Variants in CSMD1 observed in about 807,000 individuals in gnomAD.
CSMD1 encodes the protein CUB and Sushi multiple domains 1, also known as CUB and sushi domain-containing protein 1.
Under a neutral mutation model 417.5 loss-of-function variants are expected in CSMD1, and 213 were observed. The ratio of observed to expected loss-of-function variants is 0.51; its 90% CI spans 0.46 to 0.57. The LOEUF is 0.57. Among genes scored for constraint, CSMD1 ranks in the 20% least tolerant of loss-of-function variants. The pLI, the probability that CSMD1 is intolerant of heterozygous loss-of-function variation, is 0.00. For synonymous variants in CSMD1, 2,862 were observed against 1,736.8 expected, an observed-to-expected ratio of 1.65 and a Z score of -16.11; for missense variants, 6,923 against 4,529.7, an observed-to-expected ratio of 1.53 and a Z score of -15.17.
chr8:4,207,610 G>C (rs937419121), intron 3 of CSMD1, among the ~76,000 whole-genome samples: 2 of 152,048 alleles, frequency 1.3e-5, no homozygotes, highest in Non-Finnish European at 2.9e-5. Context: ...AATTCAGTAA[G>C]ACTGGCAACA....
chr8:4,093,911 G>C (rs35655526), intron 3 of CSMD1, among the ~76,000 whole-genome samples: 38,897 of 151,878 alleles, frequency 0.26, 6,344 homozygotes, highest in Non-Finnish European at 0.35. Flanking sequence ...AGTGAGCCCA[G>C]ATTGCGCCAT....
intron 1 of CSMD1, among the ~76,000 whole-genome samples, chr8:4,920,625 C>T (rs904230777): frequency 6.6e-6 from 1 of 151,852 alleles, no homozygotes; most frequent in African/African-American, 2.4e-5. Context: ...AGTTTGAGAC[C>T]AGCCTGACCT....
At chr8:4,034,741 T>C (rs1485093639) in intron 3 of CSMD1, among the ~76,000 whole-genome samples, 1 of 152,204 alleles carries the variant, frequency 6.6e-6, no homozygotes, top group Non-Finnish European at 1.5e-5. Flanking sequence ...TCCAGGAATA[T>C]TTAAAATAAA....
At chr8:3,917,475 T>C (rs958463497) in intron 5 of CSMD1, among the ~76,000 whole-genome samples, 8 of 152,098 alleles carry the variant, frequency 5.3e-5, no homozygotes, top group African/African-American at 1.9e-4. Context: ...CCTGCTACTA[T>C]GGCTGAAAGT....
intron 23 of CSMD1, among the ~76,000 whole-genome samples, chr8:3,332,753 G>T (rs1279676890): frequency 6.6e-6 from 1 of 152,132 alleles, no homozygotes; most frequent in Admixed American, 6.6e-5. Flanking sequence ...TCCTAAATAG[G>T]AAACTCTGAC....
chr8:4,819,811 GT>G (rs1003575315), intron 1 of CSMD1, among the ~76,000 whole-genome samples: 10 of 152,112 alleles, frequency 6.6e-5, no homozygotes, highest in African/African-American at 2.2e-4. Context: ...CTGTTTGGGT[GT>G]GGAGGTTCCA....
chr8:4,367,126 A>G (rs111243143), intron 3 of CSMD1, among the ~76,000 whole-genome samples: 3,263 of 152,202 alleles, frequency 0.021, 113 homozygotes, highest in African/African-American at 0.075. Context: ...ACCAAGGCCA[A>G]TGTTCAGAAT....
intron 3 of CSMD1, among the ~76,000 whole-genome samples, chr8:4,295,366 A>AT (rs1337716313): frequency 6.9e-6 from 1 of 144,246 alleles, no homozygotes; most frequent in East Asian, 2.1e-4. Flanking sequence ...TTAAGATTAT[A>AT]TATGTATCTT....
At chr8:4,109,148 G>A (rs1251104490) in intron 3 of CSMD1, among the ~76,000 whole-genome samples, 2 of 152,086 alleles carry the variant, frequency 1.3e-5, no homozygotes, top group African/African-American at 2.4e-5. Flanking sequence ...CAATGTAAAT[G>A]CTATGTAAAT....
intron 2 of CSMD1, among the ~76,000 whole-genome samples, chr8:4,594,420 A>C (rs971118244): frequency 2.0e-5 from 3 of 151,818 alleles, no homozygotes; most frequent in African/African-American, 7.3e-5. Flanking sequence ...GGCTGGTCTC[A>C]AACTCCTGAA....
chr8:3,419,054 G>A (rs1251220786), intron 12 of CSMD1, among the ~76,000 whole-genome samples: 1 of 152,180 alleles, frequency 6.6e-6, no homozygotes, highest in African/African-American at 2.4e-5. Flanking sequence ...TTAATGCTCT[G>A]CTGTGTCTGT....
chr8:3,172,699 G>A lies in CSMD1; in HGVS notation c.5725+8411C>T, dbSNP rs868520586. Among the ~76,000 whole-genome samples, 2 of 152,108 alleles carry A rather than the reference G, an allele frequency of 1.3e-5. 1 individual carries two copies. The highest frequency in any genetic ancestry group is 1.3e-4 in the Admixed American group (2 of 15,260). ...AGAAAGAATCACCCTCAGGGGAGGT[G>A]GGAGGAAGGCCCACATGCACTCTGT... On this transcript the variant is annotated intron_variant, in intron 37 of 69. Coordinates refer to ENST00000635120, the MANE Select transcript of CSMD1 (RefSeq NM_033225.6).
intron 10 of CSMD1, among the ~76,000 whole-genome samples, chr8:3,512,774 T>A (rs1797130468): frequency 6.6e-6 from 1 of 151,700 alleles, no homozygotes; most frequent in Non-Finnish European, 1.5e-5. Context: ...ACACGCAGGT[T>A]TTTTATTTTT....
At chr8:3,870,242 C>T (rs1805389347) in intron 5 of CSMD1, among the ~76,000 whole-genome samples, 1 of 152,136 alleles carries the variant, frequency 6.6e-6, no homozygotes, top group Admixed American at 6.5e-5. Context: ...TAATAGTACA[C>T]TGAAATTAAG....
intron 11 of CSMD1, among the ~76,000 whole-genome samples, chr8:3,485,827 T>TAAAAC (rs1818001331): frequency 9.2e-6 from 1 of 109,040 alleles, no homozygotes; most frequent in African/African-American, 3.3e-5. Context: ...TAAAATAAAA[T>TAAAAC]AAAATAAAAC....
chr8:3,876,297 A>G (rs1281215574), intron 5 of CSMD1, among the ~76,000 whole-genome samples: 2 of 152,172 alleles, frequency 1.3e-5, no homozygotes, highest in Non-Finnish European at 2.9e-5. Context: ...TTTTAGAATT[A>G]GTATGGGAAA....
At chr8:3,470,835 G>T (rs1253713367) in intron 11 of CSMD1, among the ~76,000 whole-genome samples, 2 of 152,124 alleles carry the variant, frequency 1.3e-5, no homozygotes, top group African/African-American at 4.8e-5. Flanking sequence ...TATCCCAGTT[G>T]TTGTTTATAC....
chr8:3,653,064 CAGT>C (rs1415295570), intron 7 of CSMD1, among the ~76,000 whole-genome samples: 2 of 152,120 alleles, frequency 1.3e-5, no homozygotes, highest in Non-Finnish European at 2.9e-5. Context: ...AAACAGCACT[CAGT>C]AAAGACTCAT....
intron 10 of CSMD1, among the ~76,000 whole-genome samples, chr8:3,518,681 G>T (rs191660090): frequency 2.0e-3 from 303 of 152,220 alleles, no homozygotes; most frequent in African/African-American, 7.0e-3. Flanking sequence ...AACTAATCAT[G>T]CCCCAAAGAA....
Sources: allele counts gnomAD v4.1 joint callset (sites outside exome capture counted in the v4.1 genomes callset), GRCh38; gene constraint gnomAD v4.1.1; transcripts MANE v1.5; gene names NCBI Gene and HGNC (gene_info 2026-07-23, HGNC 2026-07-21).